The following FNBP4 variants were observed in gnomAD, a reference collection of about 807,000 sequenced individuals.
FNBP4 encodes formin binding protein 4.
In FNBP4, 34 loss-of-function variants were observed where a neutral mutation model predicts 119.3. The observed-to-expected ratio is 0.28, with a 90% CI of 0.22 to 0.38. FNBP4 has a LOEUF of 0.38. Ranked by LOEUF, FNBP4 falls within the 10% of genes least tolerant of loss-of-function variation. FNBP4 has a pLI of 1.00. For synonymous variants in FNBP4, 462 were observed against 430.6 expected (o/e 1.07, Z -0.90); for missense variants, 1,112 against 1,228.9 (o/e 0.90, Z 1.42).
At chr11:47,731,158 C>G (rs1246755636) in intron 12 of FNBP4, 1 of 426,566 alleles carries the variant, frequency 2.3e-6, no homozygotes, top group Non-Finnish European at 4.0e-6. Context: ...ATCTGTTAGC[C>G]TATCTTTTCA....
intron 6 of FNBP4, among the ~76,000 whole-genome samples, chr11:47,748,486 TG>T (rs1454353766): frequency 6.6e-6 from 1 of 151,832 alleles, no homozygotes; most frequent in African/African-American, 2.4e-5. Flanking sequence ...GCTATCCTCT[TG>T]CCTCTGCCTC....
chr11:47,725,752 G>T, intron 12 of FNBP4: 2 of 975,382 alleles, frequency 2.1e-6, no homozygotes, highest in Non-Finnish European at 2.4e-6. Context: ...GCCTTCCCCA[G>T]CCCTCTTTAT....
chr11:47,734,981 C>G (rs1355819257), intron 9 of FNBP4, among the ~76,000 whole-genome samples: 6 of 107,972 alleles, frequency 5.6e-5, no homozygotes, highest in South Asian at 3.0e-4. Context: ...CCCCAACACC[C>G]CCCCCCCCAA....
intron 12 of FNBP4, among the ~76,000 whole-genome samples, chr11:47,727,941 G>C (rs2097563005): frequency 6.6e-6 from 1 of 152,130 alleles, no homozygotes; most frequent in South Asian, 2.1e-4. Flanking sequence ...GTGCAATGGT[G>C]TGATATTGGC....
intron 2 of FNBP4, among the ~76,000 whole-genome samples, chr11:47,758,870 G>C (rs899175348): frequency 6.6e-6 from 1 of 151,866 alleles, no homozygotes; most frequent in Non-Finnish European, 1.5e-5. Flanking sequence ...AAAAAGCGGG[G>C]GGGAAAAGAG....
chr11:47,747,352 G>A (rs1447018904), intron 6 of FNBP4, among the ~76,000 whole-genome samples: 7 of 152,152 alleles, frequency 4.6e-5, no homozygotes, highest in Non-Finnish European at 8.8e-5. Flanking sequence ...TTATAGGCGA[G>A]AGCCACCAAG....
At position 47,732,595 on chromosome 11, in the gene FNBP4, G is replaced by C. The variant is rs1169439750; in HGVS notation, c.1762C>G (p.Gln588Glu). 6.2e-7 allele frequency: 1 copy of C among 1,613,984 alleles called. No individual in the cohort carries two copies. The highest frequency in any genetic ancestry group is 1.3e-5 in the African/African-American group (1 of 74,906). ...GCGTTTATTTCATACTGTTTTAGTT[G>C]TTCTGCTGCATCCTGAAGTTTTCGT... ...LKRKLQDAAE[Q>E]LKQYEINATP... The change falls in exon 11 of 17, where the codon CAA (glutamine) becomes GAA (glutamate). Residue 588 changes from glutamine (Q) to glutamate (E), a missense_variant. Gln to Glu is a conservative substitution (Grantham distance 29). Around this residue, in one of 2 missense-constraint regions of FNBP4, gnomAD observed 826 missense variants for 988.8 expected, o/e 0.84. Coordinates refer to ENST00000263773, the MANE Select transcript of FNBP4 (RefSeq NM_015308.5). The surrounding 1 kb of genome is among the most constrained non-coding windows in gnomAD (Gnocchi z 4.2).
At chr11:47,733,252 A>C (rs1377955473) in intron 10 of FNBP4, among the ~76,000 whole-genome samples, 2 of 152,060 alleles carry the variant, frequency 1.3e-5, no homozygotes, top group Non-Finnish European at 2.9e-5. Context: ...ACTTATTAAG[A>C]TTGGTTTCCC....
Position 47,723,128 on chromosome 11 carries a change from C to G in FNBP4, c.2653G>C (p.Ala885Pro). ...AECSVPIGVT[A>P]PSLQPVQARG... ...GCCTGAACTGGCTGCAATGAGGGAG[C>G]AGTCACTCCAATTGGGACAGAACAT... Residue 885 changes from alanine (A) to proline (P), a missense_variant, in exon 15 of 17, where the codon GCT (alanine) becomes CCT (proline). By Grantham distance (27) the Ala-to-Pro change is conservative (BLOSUM62 -1). Transcript: ENST00000263773. 1.2e-6 allele frequency: 2 copies of G among 1,613,990 alleles called. No individual in the cohort carries two copies. The highest frequency in any genetic ancestry group is 2.7e-5 in the African/African-American group (2 of 74,944).
intron 2 of FNBP4, among the ~76,000 whole-genome samples, chr11:47,756,814 G>A (rs1018384455): frequency 6.6e-6 from 1 of 151,852 alleles, no homozygotes; most frequent in African/African-American, 2.4e-5. Flanking sequence ...CTGTCCTTGC[G>A]ATAGTTTGCT....
rs777513891 is a variant in FNBP4, at chr11:47,732,439, A to G, written c.1820+98T>C. The stretch of plus-strand genomic sequence containing the variant: ...AGCACCGCTAACTGCAGCTGCTCTC[A>G]GTCTCCAGACAGGCTGTCATGTCGT... On this transcript the variant is annotated intron_variant, in intron 11 of 16. Coordinates refer to ENST00000263773, the MANE Select transcript of FNBP4 (RefSeq NM_015308.5). The surrounding 1 kb of genome is among the most constrained non-coding windows in gnomAD (Gnocchi z 4.2). The G allele has an allele frequency of 4.3e-5, 67 of 1,571,458 alleles. No homozygotes were observed. Among genetic ancestry groups the G allele is most frequent in the Non-Finnish European group, 4.8e-5 (56 of 1,157,220 alleles).
intron 12 of FNBP4, chr11:47,730,117 AG>A: frequency 1.0e-6 from 1 of 985,442 alleles, no homozygotes; most frequent in Non-Finnish European, 1.2e-6. Flanking sequence ...GGAACATATA[AG>A]GGATGTTGAC....
chr11:47,751,254 T>G lies in FNBP4; in HGVS notation c.674A>C (p.Asp225Ala). The change falls in exon 5 of 17, where the codon GAT becomes GCT. Residue 225 changes from aspartate to alanine, a missense_variant. Transcript: ENST00000263773. ...IEMGDWQEVW[D>A]ENTGCYYYWN... ...ATAATAATAACATCCCGTGTTCTCA[T>G]CCCAGACTTCCTGCCAATCGCCCAT... 6.2e-7 allele frequency: 1 copy of G among 1,614,142 alleles called. No homozygotes were observed. Among genetic ancestry groups the G allele is most frequent in the African/African-American group, 1.3e-5 (1 of 75,046 alleles).
chr11:47,727,230 TG>T (rs1302044987), intron 12 of FNBP4, among the ~76,000 whole-genome samples: 1 of 151,974 alleles, frequency 6.6e-6, no homozygotes, highest in Non-Finnish European at 1.5e-5. Flanking sequence ...TTTTAGAATA[TG>T]TGAATCCAAT....
chr11:47,731,256 A>C (rs2097567035), intron 12 of FNBP4, 118 bp downstream of exon 12: 1 of 989,778 alleles, frequency 1.0e-6, no homozygotes, highest in South Asian at 1.9e-5. Flanking sequence ...AGTTCACACC[A>C]CTATTCTCAA....
chr11:47,752,715 G>A lies in FNBP4; in HGVS notation c.637+201C>T, dbSNP rs1341773411. The A allele has an allele frequency of 8.4e-6, 4 of 473,474 alleles. No individual in the cohort carries two copies. In the Admixed American group the frequency reaches 1.0e-4, roughly 12 times the overall value. The allele number at this position is 473,474 out of a possible 1,614,324, so 29.3% of individuals were successfully genotyped here. Reference sequence around the variant, plus strand: ...TGTAGTCCCAGTTACTCAGGAGGCTGAGGGAGGAGAACTGTCTGAACCCAG... The same window carrying A: ...TGTAGTCCCAGTTACTCAGGAGGCTAAGGGAGGAGAACTGTCTGAACCCAG... On this transcript the variant is annotated intron_variant, in intron 4 of 16. Transcript: ENST00000263773.
At chr11:47,753,676 A>C (rs985177919) in intron 3 of FNBP4, among the ~76,000 whole-genome samples, 4 of 151,992 alleles carry the variant, frequency 2.6e-5, no homozygotes, top group African/African-American at 9.7e-5. Flanking sequence ...CATGCCTGTA[A>C]TCCCAGCTAC....
chr11:47,765,410 A>AAAAGAAAAGT lies in FNBP4; in HGVS notation c.221-49_221-48insACTTTTCTTT, dbSNP rs774503341. ...AAAAGAAAAGAAAAGAAAAGAAAAGAAAAGAAAACTGCAGTCAGATTCCAG... is the reference window on the plus strand; with the variant it reads ...AAAAGAAAAGAAAAGAAAAGAAAAGAAAAGAAAAGTAAAGAAAACTGCAGTCAGATTCCAG... On this transcript the variant is annotated intron_variant, in intron 1 of 16. Transcript: ENST00000263773. 22 of 1,351,602 alleles carry AAAAGAAAAGT rather than the reference A, an allele frequency of 1.6e-5. No homozygotes were observed. In the Middle Eastern group the frequency reaches 2.3e-3, roughly 138 times the overall value. The allele number at this position is 1,351,602 out of a possible 1,614,324, so 83.7% of individuals were successfully genotyped here.
intron 15 of FNBP4, among the ~76,000 whole-genome samples, chr11:47,720,569 A>AAAAT (rs57442336): frequency 0.13 from 19,838 of 149,076 alleles, 1,438 homozygotes; most frequent in Non-Finnish European, 0.15. Context: ...CCGTCTCAAA[A>AAAAT]AAATAAATAA....
Sources: gnomAD v4.1 joint callset for allele counts (sites outside exome capture counted in the v4.1 genomes callset) on GRCh38, gnomAD v4.1.1 for gene constraint, gnomAD v4.1.1 regional missense constraint, Gnocchi (gnomAD v3.1) non-coding constraint, MANE v1.5 for transcripts, NCBI Gene and HGNC (gene_info 2026-07-23, HGNC 2026-07-21) for gene names.